Variants in CADPS observed in about 807,000 individuals in gnomAD.
CADPS encodes calcium-dependent secretion activator 1.
Under a neutral mutation model 167.3 loss-of-function variants are expected in CADPS, and 57 were observed. That is an observed-to-expected ratio of 0.34 (90% confidence interval 0.28 to 0.42). CADPS has a LOEUF of 0.42. Ranked by LOEUF, CADPS falls within the 20% of genes least tolerant of loss-of-function variation. CADPS has a pLI of 1.00. For synonymous variants in CADPS, 676 were observed against 635.3 expected (o/e 1.06, Z -0.96); for missense variants, 1,414 against 1,738.1 (o/e 0.81, Z 3.32).
intron 5 of CADPS, 33 bp downstream of exon 5, chr3:62,650,814 C>A (rs1272276773): frequency 1.3e-6 from 2 of 1,556,058 alleles, no homozygotes; most frequent in Non-Finnish European, 1.8e-6. Flanking sequence ...ACTTGCTGTG[C>A]CAAGAAACTT....
At chr3:62,592,546 T>G (rs2086289817) in intron 7 of CADPS, 91 bp downstream of exon 7, 1 of 927,116 alleles carries the variant, frequency 1.1e-6, no homozygotes, top group South Asian at 1.5e-5. Flanking sequence ...TCTCAGCACT[T>G]GGCAATGCTG....
chr3:62,853,118 C>G (rs758995573), intron 1 of CADPS, among the ~76,000 whole-genome samples: 1 of 152,098 alleles, frequency 6.6e-6, no homozygotes, highest in Admixed American at 6.5e-5. Flanking sequence ...GAGCTGAATT[C>G]CTAAGTGAAC....
At chr3:62,693,784 TAA>T (rs67971671) in intron 3 of CADPS, among the ~76,000 whole-genome samples, 9 of 144,554 alleles carry the variant, frequency 6.2e-5, no homozygotes, top group South Asian at 2.2e-4. Flanking sequence ...GACTCCATCT[TAA>T]AAAAAAAAAA....
intron 1 of CADPS, among the ~76,000 whole-genome samples, chr3:62,817,704 A>G (rs934329559): frequency 1.3e-5 from 2 of 152,166 alleles, no homozygotes; most frequent in African/African-American, 4.8e-5. Context: ...GTACTGTGTA[A>G]ATCAGTATGA....
chr3:62,667,978 G>A (rs543318226), intron 3 of CADPS, among the ~76,000 whole-genome samples: 59 of 152,200 alleles, frequency 3.9e-4, no homozygotes, highest in African/African-American at 9.9e-4. Context: ...TTGACAGTGC[G>A]CCTGGGAGAC....
At chr3:62,867,178 A>C (rs749668417) in intron 1 of CADPS, among the ~76,000 whole-genome samples, 1 of 152,084 alleles carries the variant, frequency 6.6e-6, no homozygotes, top group Non-Finnish European at 1.5e-5. Context: ...CATTTTTAAA[A>C]GAGCTATTTG....
intron 8 of CADPS, among the ~76,000 whole-genome samples, chr3:62,576,788 T>TTAA (rs1553936618): frequency 0.33 from 9,776 of 29,846 alleles, 3,501 homozygotes; most frequent in South Asian, 0.49. Context: ...AGACTCTGTC[T>TTAA]AAAAAAAAAA....
At chr3:62,800,158 C>A (rs534896614) in intron 1 of CADPS, among the ~76,000 whole-genome samples, 1 of 152,154 alleles carries the variant, frequency 6.6e-6, no homozygotes, top group African/African-American at 2.4e-5. Flanking sequence ...AGCACATGCC[C>A]TCTGCTGTGC....
intron 8 of CADPS, among the ~76,000 whole-genome samples, chr3:62,572,124 G>C (rs1384607836): frequency 1.3e-5 from 2 of 152,114 alleles, no homozygotes; most frequent in Admixed American, 1.3e-4. Context: ...TTCTGCTTTG[G>C]AACATAATGA....
rs73101846 is a variant in CADPS at position 62,684,096 on chromosome 3, C to T, written c.889-21702G>A. On this transcript the variant is annotated intron_variant, in intron 3 of 29. Coordinates refer to ENST00000383710, the MANE Select transcript of CADPS (RefSeq NM_003716.4). ...AACTTACAGGGCAAGTTTTGCTCCA[C>T]GTCTTTGGGGTGTATCTATTTAAGT... Among the ~76,000 whole-genome samples the T allele has an allele frequency of 9.5e-3, 1,443 of 152,102 alleles. 10 individuals are homozygous for T. The highest frequency in any genetic ancestry group is 0.015 in the Non-Finnish European group (987 of 67,988).
At chr3:62,542,391 C>T (rs558474567) in intron 11 of CADPS, among the ~76,000 whole-genome samples, 36 of 151,994 alleles carry the variant, frequency 2.4e-4, no homozygotes, top group Non-Finnish European at 4.9e-4. Flanking sequence ...TGGACAATAA[C>T]GAACAATGAC....
chr3:62,806,349 C>T (rs1012076145), intron 1 of CADPS, among the ~76,000 whole-genome samples: 1 of 135,590 alleles, frequency 7.4e-6, no homozygotes, highest in African/African-American at 2.9e-5. Flanking sequence ...ATAGCAAGAC[C>T]TCGTCTTTAG....
intron 13 of CADPS, among the ~76,000 whole-genome samples, chr3:62,522,759 C>A (rs2071012716): frequency 6.6e-6 from 1 of 152,154 alleles, no homozygotes; most frequent in Non-Finnish European, 1.5e-5. Flanking sequence ...GCGAACATAG[C>A]CCCTGGTCTC....
chr3:62,560,129 T>C (rs1047764166), intron 9 of CADPS, among the ~76,000 whole-genome samples: 2 of 152,158 alleles, frequency 1.3e-5, no homozygotes, highest in African/African-American at 2.4e-5. Flanking sequence ...TGGGAGCATC[T>C]TGATTTAGGA....
rs889315037 is a variant in CADPS at position 62,602,756 on chromosome 3, G to A, written c.1326-10008C>T. ...GCCTCCTTGACATTTCCACTGGAAC[G>A]TCTCCTCTCCAGGAGTCTGAGATCA... On this transcript the variant is annotated intron_variant, in intron 6 of 29. Transcript: ENST00000383710. This position sits in a 1 kb window ranked among gnomAD's most constrained non-coding sequence, Gnocchi z 4.4. Among the ~76,000 whole-genome samples the A allele has an allele frequency of 7.9e-5, 12 of 152,238 alleles. No homozygotes were observed. Among genetic ancestry groups the A allele is most frequent in the Admixed American group, 6.5e-5 (1 of 15,272 alleles).
chr3:62,554,886 C>T (rs1039360069), intron 10 of CADPS, among the ~76,000 whole-genome samples: 6 of 151,984 alleles, frequency 3.9e-5, no homozygotes, highest in African/African-American at 1.2e-4. Context: ...CCGAGTAGCT[C>T]GGATTACAGG....
At chr3:62,787,010 C>T (rs576697580) in intron 1 of CADPS, among the ~76,000 whole-genome samples, 1 of 151,952 alleles carries the variant, frequency 6.6e-6, no homozygotes, top group Non-Finnish European at 1.5e-5. Flanking sequence ...TAAAAAACCT[C>T]AAGCCGGGCA....
At chr3:62,662,191 T>C (rs1202913427) in intron 4 of CADPS, 123 bp downstream of exon 4, 6 of 831,576 alleles carry the variant, frequency 7.2e-6, no homozygotes, top group East Asian at 2.5e-5. Flanking sequence ...ATGAGGGTGA[T>C]TGTCCTCATC....
intron 3 of CADPS, among the ~76,000 whole-genome samples, chr3:62,662,617 C>G (rs1403050233): frequency 2.0e-5 from 3 of 152,186 alleles, no homozygotes; most frequent in African/African-American, 7.2e-5. Context: ...TTTGAACGAC[C>G]TTGCAAAAGA....
Sources: gnomAD v4.1 joint callset for allele counts (sites outside exome capture counted in the v4.1 genomes callset) on GRCh38, gnomAD v4.1.1 for gene constraint, Gnocchi (gnomAD v3.1) non-coding constraint, MANE v1.5 for transcripts, NCBI Gene and HGNC (gene_info 2026-07-23, HGNC 2026-07-21) for gene names.